Variants in MVB12B observed in about 807,000 individuals in gnomAD.
MVB12B encodes multivesicular body subunit 12B.
A neutral mutation model predicts 41.6 loss-of-function variants in MVB12B; 16 were observed. The ratio of observed to expected loss-of-function variants is 0.38; its 90% CI spans 0.26 to 0.58. The LOEUF is 0.58. Among genes scored for constraint, MVB12B ranks in the 20% least tolerant of loss-of-function variants. MVB12B has a pLI of 0.62. For synonymous variants in MVB12B, 133 were observed against 139.7 expected, an observed-to-expected ratio of 0.95 and a Z score of 0.34; for missense variants, 274 against 380.2, an observed-to-expected ratio of 0.72 and a Z score of 2.32.
chr9:126,450,079 CAG>C (rs1233026408), intron 7 of MVB12B, among the ~76,000 whole-genome samples: 1 of 152,234 alleles, frequency 6.6e-6, no homozygotes, highest in Non-Finnish European at 1.5e-5. Flanking sequence ...CATCTAACAT[CAG>C]AGTTAACCGT....
chr9:126,437,267 A>G (rs1317960578), intron 7 of MVB12B, among the ~76,000 whole-genome samples: 1 of 152,128 alleles, frequency 6.6e-6, no homozygotes, highest in Non-Finnish European at 1.5e-5. Context: ...ACAGTTATTA[A>G]CCGAATGACA....
chr9:126,370,359 C>T (rs962088886), intron 2 of MVB12B, among the ~76,000 whole-genome samples: 1 of 145,188 alleles, frequency 6.9e-6, no homozygotes, highest in Non-Finnish European at 1.5e-5. Context: ...ATGTCTTTTT[C>T]TTATTGCTTG....
chr9:126,464,746 C>T (rs1833163544), intron 7 of MVB12B, among the ~76,000 whole-genome samples: 1 of 152,228 alleles, frequency 6.6e-6, no homozygotes, highest in Non-Finnish European at 1.5e-5. Flanking sequence ...GTTACCCTCT[C>T]TTCCTTCACA....
chr9:126,392,544 G>A lies in MVB12B; in HGVS notation c.539+349G>A, dbSNP rs1031978195. ...ACAGGGACCTATTTTGTACCACGGG[G>A]CCAAGGCCACTGGATGTGGATATAA... On this transcript the variant is annotated intron_variant, in intron 5 of 9. Coordinates refer to ENST00000361171, the MANE Select transcript of MVB12B (RefSeq NM_033446.3). The surrounding 1 kb of genome is among the most constrained non-coding windows in gnomAD (Gnocchi z 4.8). 1.3e-5 allele frequency among the ~76,000 whole-genome samples: 2 copies of A among 152,228 alleles called. No homozygotes were observed. The highest frequency in any genetic ancestry group is 6.5e-5 in the Admixed American group (1 of 15,286).
rs769635463 is a variant in MVB12B, at chr9:126,330,869, CT to C, written c.81+3864del. Reference sequence around the variant, plus strand: ...TCCTAGTGGATCATACAGTATTTGTCTTTTTGTGACTGGCTTGTTTAGTTTA... The same window carrying C: ...TCCTAGTGGATCATACAGTATTTGTCTTTTGTGACTGGCTTGTTTAGTTTA... On this transcript the variant is annotated intron_variant, in intron 1 of 9. Coordinates refer to ENST00000361171, the MANE Select transcript of MVB12B (RefSeq NM_033446.3). Among the ~76,000 whole-genome samples the C allele has an allele frequency of 2.4e-4, 37 of 152,162 alleles. 1 individual carries two copies. Among genetic ancestry groups the C allele is most frequent in the Admixed American group, 2.0e-3 (30 of 15,296 alleles).
At chr9:126,335,349 C>T in intron 1 of MVB12B, 1 of 1,304,328 alleles carries the variant, frequency 7.7e-7, no homozygotes, top group Non-Finnish European at 1.0e-6. Flanking sequence ...CCAAAGCCAG[C>T]TGCCCATTTA....
chr9:126,434,268 G>T (rs1432522401), intron 7 of MVB12B, among the ~76,000 whole-genome samples: 2 of 151,874 alleles, frequency 1.3e-5, no homozygotes, highest in African/African-American at 4.8e-5. Context: ...CTTCAATCCT[G>T]CAGCCTGGAG....
In MVB12B at chr9:126,398,516, T is replaced by TA. The variant is rs939993822; in HGVS notation, c.662+2820dup. On this transcript the variant is annotated intron_variant, in intron 6 of 9. Transcript: ENST00000361171. ...TCAAGTCTTTTTCTTGTGTACTTTT[T>TA]ACATAGGTGATATCATATCGTGTAA... 2.9e-4 allele frequency among the ~76,000 whole-genome samples: 44 copies of TA among 152,374 alleles called. 1 individual carries two copies. Among genetic ancestry groups the TA allele is most frequent in the African/African-American group, 1.0e-3 (43 of 41,604 alleles).
intron 9 of MVB12B, among the ~76,000 whole-genome samples, chr9:126,501,977 T>G (rs1364828007): frequency 6.6e-6 from 1 of 152,138 alleles, no homozygotes; most frequent in Non-Finnish European, 1.5e-5. Context: ...CCTCCCTTCC[T>G]GGCCTGCCCG....
At chr9:126,485,630 C>A (rs1338922634) in intron 9 of MVB12B, among the ~76,000 whole-genome samples, 2 of 126,152 alleles carry the variant, frequency 1.6e-5, no homozygotes, top group Non-Finnish European at 3.4e-5. Flanking sequence ...GGTCAGGGTA[C>A]CGTCCACTGT....
In MVB12B at chr9:126,473,007, A is replaced by G. The variant is rs1466910995; in HGVS notation, c.758-8362A>G. ...AAGAAGAAGAAGAAAGCACTGGCCT[A>G]GTACTGAAAGGAAACCTGCCCCAGC... On this transcript the variant is annotated intron_variant, in intron 7 of 9. Transcript: ENST00000361171. This position sits in a 1 kb window ranked among gnomAD's most constrained non-coding sequence, Gnocchi z 4.0. Among the ~76,000 whole-genome samples, 6 of 152,340 alleles carry G rather than the reference A, an allele frequency of 3.9e-5. No homozygotes were observed. The East Asian group carries it at 9.6e-4, about 24-fold the overall frequency.
intron 9 of MVB12B, among the ~76,000 whole-genome samples, chr9:126,496,184 T>A (rs1181556186): frequency 1.4e-5 from 2 of 139,098 alleles, no homozygotes; most frequent in Non-Finnish European, 3.1e-5. Context: ...CATCGACTTG[T>A]CCACCCACCC....
chr9:126,328,825 C>G (rs989374534), intron 1 of MVB12B, among the ~76,000 whole-genome samples: 2 of 152,032 alleles, frequency 1.3e-5, no homozygotes, highest in African/African-American at 4.8e-5. Flanking sequence ...CACTGTCACT[C>G]AGGCTGGAGT....
At chr9:126,379,507 G>A (rs1383358913) in intron 2 of MVB12B, among the ~76,000 whole-genome samples, 1 of 152,112 alleles carries the variant, frequency 6.6e-6, no homozygotes, top group Admixed American at 6.5e-5. Flanking sequence ...ACCCCCATTC[G>A]ATCGTGTTTC....
At chr9:126,449,744 A>G (rs1204657355) in intron 7 of MVB12B, among the ~76,000 whole-genome samples, 1 of 152,132 alleles carries the variant, frequency 6.6e-6, no homozygotes, top group African/African-American at 2.4e-5. Context: ...TGGCCTTACC[A>G]TGGAAAAGCA....
chr9:126,482,666 C>T (rs1833548954), intron 8 of MVB12B, among the ~76,000 whole-genome samples: 1 of 152,228 alleles, frequency 6.6e-6, no homozygotes, highest in African/African-American at 2.4e-5. Context: ...CGGCCCCGCT[C>T]TCGCACCCCT....
chr9:126,384,784 C>T (rs1045600057), intron 3 of MVB12B, among the ~76,000 whole-genome samples: 5 of 151,210 alleles, frequency 3.3e-5, no homozygotes, highest in Non-Finnish European at 4.4e-5. Flanking sequence ...CCACCTGCCT[C>T]GGCCTCCCAA....
intron 1 of MVB12B, chr9:126,335,228 C>A: frequency 2.5e-6 from 3 of 1,180,256 alleles, no homozygotes; most frequent in Non-Finnish European, 3.3e-6. Flanking sequence ...AGTGATTTGA[C>A]TCTGGCTGGT....
intron 9 of MVB12B, among the ~76,000 whole-genome samples, chr9:126,491,148 G>A (rs1454241366): frequency 1.3e-5 from 2 of 152,190 alleles, no homozygotes; most frequent in African/African-American, 2.4e-5. Flanking sequence ...ACACTGAGGT[G>A]GAATTAATGA....
Sources: gnomAD v4.1 joint callset for allele counts (sites outside exome capture counted in the v4.1 genomes callset) on GRCh38, gnomAD v4.1.1 for gene constraint, Gnocchi (gnomAD v3.1) non-coding constraint, MANE v1.5 for transcripts, NCBI Gene and HGNC (gene_info 2026-07-23, HGNC 2026-07-21) for gene names.